Variants in DYNC2LI1 observed in about 807,000 individuals in gnomAD.
DYNC2LI1 encodes the protein cytoplasmic dynein 2 light intermediate chain 1.
In DYNC2LI1, 45 loss-of-function variants were observed where a neutral mutation model predicts 51.9. The observed-to-expected ratio is 0.87, with a 90% CI of 0.68 to 1.11. The LOEUF (loss-of-function observed/expected upper bound fraction) is 1.11, where lower values mean the gene tolerates loss of function less well. Among genes scored for constraint, DYNC2LI1 ranks in the 50% most tolerant of loss-of-function variants. DYNC2LI1 has a pLI of 0.00. For missense variants in DYNC2LI1, 490 were observed against 417.4 expected (o/e 1.17, Z -1.51); for synonymous variants, 130 against 137.8 (o/e 0.94, Z 0.40).
the DYNC2LI1 span, chr2:43,820,039 G>T: frequency 6.2e-7 from 1 of 1,614,142 alleles, no homozygotes; most frequent in Non-Finnish European, 8.5e-7. Context: ...ATTAAGTGGG[G>T]GGCCAAGAGA....
At chr2:43,827,279 C>T in the DYNC2LI1 span, among the ~76,000 whole-genome samples, 1,629 of 150,678 alleles carry the variant, frequency 0.011, 31 homozygotes, top group African/African-American at 0.037. Flanking sequence ...GAGCCAAGAT[C>T]GCACCACTGC....
At chr2:43,816,631 C>T in the DYNC2LI1 span, among the ~76,000 whole-genome samples, 1 of 152,166 alleles carries the variant, frequency 6.6e-6, no homozygotes, top group African/African-American at 2.4e-5. Context: ...GCAGCCTCCG[C>T]CTCCCAGGTT....
chr2:43,808,350 G>T (rs955071299), intron 12 of DYNC2LI1, among the ~76,000 whole-genome samples: 1 of 151,806 alleles, frequency 6.6e-6, no homozygotes, highest in South Asian at 2.1e-4. Context: ...GTAACTTAGG[G>T]TATAGGTATG....
chr2:43,809,718 A>G lies in DYNC2LI1; in HGVS notation c.1007A>G (p.Tyr336Cys), dbSNP rs1404090217. Residue 336 changes from tyrosine to cysteine, a missense_variant, in exon 13 of 13, where the codon TAC becomes TGC. Tyr to Cys is a radical substitution (Grantham distance 194). Transcript: ENST00000260605. ...TTTTTGTTTTAGGAACTGGAACAGTACAAAAGAAGTTCTTCCAAGTCTTGG... is the reference window on the plus strand; with the variant it reads ...TTTTTGTTTTAGGAACTGGAACAGTGCAAAAGAAGTTCTTCCAAGTCTTGG... Reference protein sequence around the residue: ...RIQKDLELEQYKRSSSKSWKQ... With the variant: ...RIQKDLELEQCKRSSSKSWKQ... 8 of 1,611,938 alleles carry G rather than the reference A, an allele frequency of 5.0e-6. No homozygotes were observed. Among genetic ancestry groups the G allele is most frequent in the Middle Eastern group, 1.7e-4 (1 of 5,972 alleles).
intron 1 of DYNC2LI1, chr2:43,775,691 T>TC (rs1672979262): frequency 5.1e-6 from 2 of 392,668 alleles, no homozygotes; most frequent in Non-Finnish European, 9.8e-6. Flanking sequence ...TTTTTTATTT[T>TC]CTTTTTTTTT....
chr2:43,799,963 C>G (rs1228642246), intron 8 of DYNC2LI1, among the ~76,000 whole-genome samples: 1 of 152,168 alleles, frequency 6.6e-6, no homozygotes, highest in Non-Finnish European at 1.5e-5. Flanking sequence ...GCATTAAGAA[C>G]TTTCTGTTCT....
At chr2:43,824,168 G>A in the DYNC2LI1 span, 2 of 1,613,922 alleles carry the variant, frequency 1.2e-6, no homozygotes, top group East Asian at 2.2e-5. Flanking sequence ...TGTTATTGGG[G>A]GATGGCTAAA....
chr2:43,787,299 A>C (rs774466498), intron 4 of DYNC2LI1, 49 bp downstream of exon 4: 1 of 1,453,678 alleles, frequency 6.9e-7, no homozygotes, highest in South Asian at 1.2e-5. Context: ...TGGGAAAGTA[A>C]TGCTGCTGAC....
chr2:43,810,278 T>A (rs1042927312), downstream of DYNC2LI1: 5 of 796,024 alleles, frequency 6.3e-6, no homozygotes, highest in Admixed American at 6.3e-5. Flanking sequence ...ACACCTAGAG[T>A]GTCGCCATCA....
downstream of DYNC2LI1, among the ~76,000 whole-genome samples, chr2:43,811,029 G>C (rs1265945138): frequency 6.6e-6 from 1 of 152,188 alleles, no homozygotes; most frequent in Non-Finnish European, 1.5e-5. Flanking sequence ...AGTCACGTGT[G>C]ATGTCAGTTT....
chr2:43,806,243 G>A (rs1282338217), intron 12 of DYNC2LI1, among the ~76,000 whole-genome samples: 3 of 152,096 alleles, frequency 2.0e-5, no homozygotes, highest in African/African-American at 4.8e-5. Context: ...AAAATGAGAC[G>A]TTGTACAGAA....
chr2:43,794,359 G>A, intron 5 of DYNC2LI1, 98 bp from the exon 6 acceptor site: 2 of 1,259,432 alleles, frequency 1.6e-6, no homozygotes, highest in South Asian at 3.2e-5. Context: ...TTCCCCTTAA[G>A]GTATATTTTA....
the DYNC2LI1 span, among the ~76,000 whole-genome samples, chr2:43,816,546 T>C: frequency 6.6e-6 from 1 of 152,158 alleles, no homozygotes; most frequent in Non-Finnish European, 1.5e-5. Flanking sequence ...GTTTGTGCTT[T>C]GTCTTTTTTA....
At chr2:43,826,523 T>G in the DYNC2LI1 span, 2 of 1,614,222 alleles carry the variant, frequency 1.2e-6, no homozygotes, top group Non-Finnish European at 1.7e-6. Context: ...GCATGACCTC[T>G]GCCAGCAAAG....
the DYNC2LI1 span, chr2:43,819,945 G>C: frequency 1.2e-6 from 2 of 1,613,930 alleles, no homozygotes; most frequent in Non-Finnish European, 1.7e-6. Flanking sequence ...AAGCACCCCC[G>C]CAATGGACAG....
chr2:43,811,473 C>G (rs1298263489), downstream of DYNC2LI1, among the ~76,000 whole-genome samples: 1 of 152,200 alleles, frequency 6.6e-6, no homozygotes, highest in East Asian at 1.9e-4. Context: ...TGAACAAGTT[C>G]ATGCGCTCTC....
chr2:43,822,879 A>T, the DYNC2LI1 span: 2 of 1,614,104 alleles, frequency 1.2e-6, no homozygotes, highest in Non-Finnish European at 1.7e-6. Flanking sequence ...ATCATCTGCC[A>T]CTTCTGGTAG....
chr2:43,819,789 T>G, the DYNC2LI1 span: 20 of 1,021,272 alleles, frequency 2.0e-5, no homozygotes, highest in Non-Finnish European at 2.9e-5. Context: ...GTATAAATGC[T>G]CTAGACTATA....
intron 8 of DYNC2LI1, among the ~76,000 whole-genome samples, chr2:43,798,626 C>G (rs549458760): frequency 3.9e-5 from 6 of 152,332 alleles, no homozygotes; most frequent in Admixed American, 3.3e-4. Flanking sequence ...CAGGTCAACG[C>G]AGTCCACAGC....
Sources: allele counts gnomAD v4.1 joint callset (sites outside exome capture counted in the v4.1 genomes callset), GRCh38; gene constraint gnomAD v4.1.1; transcripts MANE v1.5; gene names NCBI Gene and HGNC (gene_info 2026-07-23, HGNC 2026-07-21).